The following NWD1 variants were observed in gnomAD, a reference collection of about 807,000 sequenced individuals.
NWD1 encodes the protein NACHT and WD repeat domain containing 1.
A neutral mutation model predicts 135.1 loss-of-function variants in NWD1; 129 were observed. That is an observed-to-expected ratio of 0.96 (90% confidence interval 0.83 to 1.11). The LOEUF is 1.11. Ranked by LOEUF, NWD1 falls within the 50% of genes least tolerant of loss-of-function variation. The pLI is 0.00. For synonymous variants in NWD1, 773 were observed against 786.0 expected, an observed-to-expected ratio of 0.98 and a Z score of 0.28; for missense variants, 1,740 against 1,851.3, an observed-to-expected ratio of 0.94 and a Z score of 1.10.
intron 5 of NWD1, among the ~76,000 whole-genome samples, chr19:16,748,835 T>G (rs760472146): frequency 1.9e-4 from 29 of 148,858 alleles, no homozygotes; most frequent in Admixed American, 4.0e-4. Context: ...ATAATAATAA[T>G]AATAAGAAGA....
chr19:16,736,735 A>G lies in NWD1; in HGVS notation c.183A>G (p.Ile61Met). ...TTGACCGGTGTTGGAAAACATCCAT[A>G]GGGCCAGCTTTTGTTGTGAGTGTCT... ...EEVDRCWKTS[I>M]GPAFVALIGD... Residue 61 changes from isoleucine (I) to methionine (M), a missense_variant, in exon 4 of 19, where the codon ATA becomes ATG. Transcript: ENST00000524140. The G allele has an allele frequency of 6.5e-7, 1 of 1,532,920 alleles. No individual in the cohort carries two copies. The highest frequency in any genetic ancestry group is 8.7e-7 in the Non-Finnish European group (1 of 1,143,628). 95.0% of individuals were successfully genotyped at this position (1,532,920 alleles called of 1,614,324 possible).
chr19:16,806,786 G>A (rs1456272060), intron 17 of NWD1, among the ~76,000 whole-genome samples: 4 of 151,916 alleles, frequency 2.6e-5, no homozygotes, highest in Admixed American at 2.0e-4. Context: ...AGGCCGAGGC[G>A]GGCGGATCAC....
chr19:16,764,603 A>G (rs1228686629), intron 9 of NWD1, among the ~76,000 whole-genome samples: 2 of 151,932 alleles, frequency 1.3e-5, no homozygotes, highest in African/African-American at 4.8e-5. Context: ...TCATCCATCC[A>G]TCCATCCACC....
intron 16 of NWD1, 24 bp downstream of exon 16, chr19:16,797,910 C>G (rs766504997): frequency 3.9e-5 from 62 of 1,593,544 alleles, no homozygotes; most frequent in Non-Finnish European, 5.3e-5. Context: ...TGGGACCCTT[C>G]ATCCTCACCT....
chr19:16,780,688 T>C (rs140037890), intron 12 of NWD1, among the ~76,000 whole-genome samples: 2 of 152,110 alleles, frequency 1.3e-5, no homozygotes, highest in African/African-American at 2.4e-5. Context: ...GACAGGGTGT[T>C]GCTCTGTTGC....
intron 18 of NWD1, among the ~76,000 whole-genome samples, 200 bp from the exon 19 acceptor site, chr19:16,814,828 G>T (rs1170036793): frequency 6.6e-6 from 1 of 152,086 alleles, no homozygotes; most frequent in Admixed American, 6.6e-5. Flanking sequence ...CTTAAAAATC[G>T]CCCTGAGCAG....
At chr19:16,729,022 T>C (rs1051700723) in intron 2 of NWD1, among the ~76,000 whole-genome samples, 1 of 151,486 alleles carries the variant, frequency 6.6e-6, no homozygotes, top group African/African-American at 2.4e-5. Context: ...TCCCAGCACA[T>C]TGGGAGGCCG....
intron 2 of NWD1, among the ~76,000 whole-genome samples, chr19:16,726,622 T>C (rs1253136650): frequency 6.6e-6 from 1 of 151,844 alleles, no homozygotes; most frequent in Non-Finnish European, 1.5e-5. Flanking sequence ...GTATTTTTCA[T>C]AGAGACAGGG....
chr19:16,750,518 G>T, intron 6 of NWD1, 107 bp downstream of exon 6: 1 of 851,738 alleles, frequency 1.2e-6, no homozygotes, highest in African/African-American at 1.7e-5. Flanking sequence ...GCAGTGGTGT[G>T]ATCATAGCTC....
chr19:16,749,147 T>A lies in NWD1; in HGVS notation c.505T>A (p.Trp169Arg). 6.3e-7 allele frequency: 1 copy of A among 1,595,500 alleles called. No homozygotes were observed. The highest frequency in any genetic ancestry group is 1.7e-4 in the Middle Eastern group (1 of 5,956). Residue 169 changes from tryptophan (W) to arginine (R), a missense_variant, in exon 6 of 19, where the codon TGG becomes AGG. Transcript: ENST00000524140. ...CTTCCCCACTTTGGCAGTCATTGAG[T>A]GGGAGATAGAGCGGAGCCTGCTGAG... Reference protein sequence around the residue: ...WQHYHRSVIEWEIERSLLSSE... With the variant: ...WQHYHRSVIEREIERSLLSSE...
At chr19:16,794,389 A>T (rs1970349976) in intron 14 of NWD1, 74 bp from the exon 15 acceptor site, 1 of 833,096 alleles carries the variant, frequency 1.2e-6, no homozygotes, top group Non-Finnish European at 1.9e-6. Flanking sequence ...ATAAAAATTA[A>T]AAAATTAAAA....
intron 7 of NWD1, among the ~76,000 whole-genome samples, chr19:16,760,135 A>G (rs1968953234): frequency 6.6e-6 from 1 of 152,004 alleles, no homozygotes; most frequent in Non-Finnish European, 1.5e-5. Context: ...AGTCTGGGTG[A>G]CAGAGTGAGA....
At chr19:16,722,851 T>C (rs1967188752) in intron 1 of NWD1, among the ~76,000 whole-genome samples, 1 of 151,980 alleles carries the variant, frequency 6.6e-6, no homozygotes, top group Non-Finnish European at 1.5e-5. Flanking sequence ...TGGTCAATCA[T>C]GTCTACGTGA....
intron 2 of NWD1, among the ~76,000 whole-genome samples, chr19:16,729,615 C>T (rs2122688622): frequency 6.7e-6 from 1 of 149,266 alleles, no homozygotes; most frequent in South Asian, 2.1e-4. Context: ...CAGTGGCTCA[C>T]ACCTGTAATC....
chr19:16,751,279 C>G (rs1171487381), intron 6 of NWD1, among the ~76,000 whole-genome samples: 1 of 150,792 alleles, frequency 6.6e-6, no homozygotes, highest in African/African-American at 2.4e-5. Flanking sequence ...GGGGCCATTG[C>G]TCAGAGATGC....
intron 2 of NWD1, among the ~76,000 whole-genome samples, chr19:16,727,037 G>A (rs539890708): frequency 3.9e-5 from 6 of 152,236 alleles, no homozygotes; most frequent in Non-Finnish European, 7.4e-5. Context: ...TGGGACTTTC[G>A]TCAAGCGGTT....
In NWD1 at chr19:16,815,305, C is replaced by T. The variant is rs1378054578; in HGVS notation, c.*266C>T. ...GAAATGAAACCAAATCAAACAAATG[C>T]TCACAAGTGTGCCTGATAGTGTAAA... is the stretch of plus-strand genomic sequence containing the variant. On this transcript the variant is annotated 3_prime_UTR_variant, in exon 19 of 19. Transcript: ENST00000524140. The T allele has an allele frequency of 3.8e-6, 3 of 780,594 alleles. No individual in the cohort carries two copies. Among genetic ancestry groups the T allele is most frequent in the East Asian group, 4.8e-5 (2 of 41,260 alleles). 48.4% of individuals were successfully genotyped at this position (780,594 alleles called of 1,614,324 possible).
intron 11 of NWD1, among the ~76,000 whole-genome samples, chr19:16,776,935 C>T (rs1969622044): frequency 9.0e-6 from 1 of 111,454 alleles, no homozygotes; most frequent in Non-Finnish European, 1.7e-5. Flanking sequence ...GAGTGAGACC[C>T]TATCTGAAAA....
chr19:16,732,568 C>CATGG (rs1568334856), intron 3 of NWD1, among the ~76,000 whole-genome samples: 4 of 142,048 alleles, frequency 2.8e-5, no homozygotes, highest in African/African-American at 1.1e-4. Context: ...GCCCCTAATG[C>CATGG]TGTCTCCTTG....
Sources: gnomAD v4.1 joint callset for allele counts (sites outside exome capture counted in the v4.1 genomes callset) on GRCh38, gnomAD v4.1.1 for gene constraint, MANE v1.5 for transcripts, NCBI Gene and HGNC (gene_info 2026-07-23, HGNC 2026-07-21) for gene names.